MAGI2: variants seen among roughly 807,000 people sequenced by gnomAD.
MAGI2 encodes membrane associated guanylate kinase, WW and PDZ domain containing 2.
A neutral mutation model predicts 133.3 loss-of-function variants in MAGI2; 35 were observed. The observed-to-expected ratio is 0.26, with a 90% CI of 0.20 to 0.35. MAGI2 has a LOEUF of 0.35. Ranked by LOEUF, MAGI2 falls within the 10% of genes least tolerant of loss-of-function variation. MAGI2 has a pLI of 1.00. For missense variants in MAGI2, 1,636 were observed against 1,863.4 expected, an observed-to-expected ratio of 0.88 and a Z score of 2.25; for synonymous variants, 729 against 710.6, an observed-to-expected ratio of 1.03 and a Z score of -0.41.
At chr7:78,548,694 T>C (rs1799080710) in intron 3 of MAGI2, among the ~76,000 whole-genome samples, 1 of 152,162 alleles carries the variant, frequency 6.6e-6, no homozygotes. Context: ...AAACTCCGTC[T>C]CAAAACAAAA....
At chr7:79,089,235 A>G (rs1210328403) in intron 1 of MAGI2, among the ~76,000 whole-genome samples, 1 of 152,186 alleles carries the variant, frequency 6.6e-6, no homozygotes, top group African/African-American at 2.4e-5. Flanking sequence ...AGAGAAATGC[A>G]AATCAAAACC....
intron 9 of MAGI2, among the ~76,000 whole-genome samples, chr7:78,317,317 A>G (rs550101925): frequency 4.7e-4 from 71 of 152,300 alleles, no homozygotes; most frequent in African/African-American, 1.6e-3. Context: ...TATCCCACCA[A>G]TCAAGAACAG....
chr7:78,360,237 G>A (rs1051312036), intron 7 of MAGI2, among the ~76,000 whole-genome samples: 1 of 152,072 alleles, frequency 6.6e-6, no homozygotes, highest in Non-Finnish European at 1.5e-5. Flanking sequence ...TCACAGTTAT[G>A]TATCTATTAA....
At chr7:79,139,524 C>T (rs1470215688) in intron 1 of MAGI2, among the ~76,000 whole-genome samples, 1 of 152,198 alleles carries the variant, frequency 6.6e-6, no homozygotes, top group Non-Finnish European at 1.5e-5. Flanking sequence ...CGGCTTCCCT[C>T]ATTACTGCCA....
At chr7:78,508,107 G>A (rs367921764) in intron 4 of MAGI2, among the ~76,000 whole-genome samples, 25 of 152,288 alleles carry the variant, frequency 1.6e-4, no homozygotes, top group African/African-American at 6.0e-4. Flanking sequence ...GTGCACATCT[G>A]GGTTCCAATT....
At chr7:78,161,512 A>T (rs2150614209) in intron 15 of MAGI2, among the ~76,000 whole-genome samples, 1 of 152,196 alleles carries the variant, frequency 6.6e-6, no homozygotes, top group Non-Finnish European at 1.5e-5. Flanking sequence ...CATCCTATGT[A>T]GAACTCTGGA....
intron 2 of MAGI2, among the ~76,000 whole-genome samples, chr7:78,777,952 C>T (rs1826115531): frequency 6.6e-6 from 1 of 152,108 alleles, no homozygotes; most frequent in South Asian, 2.1e-4. Flanking sequence ...TGAGAATATG[C>T]TTCATATGAC....
intron 2 of MAGI2, among the ~76,000 whole-genome samples, chr7:78,758,571 G>T (rs566112026): frequency 6.6e-6 from 1 of 152,250 alleles, no homozygotes; most frequent in African/African-American, 2.4e-5. Context: ...TGTGAACTAG[G>T]TACATATCAC....
At chr7:78,195,184 T>C (rs1828610044) in intron 11 of MAGI2, 121 bp from the exon 12 acceptor site, 2 of 687,814 alleles carry the variant, frequency 2.9e-6, no homozygotes, top group South Asian at 5.1e-5. Context: ...GGGTAAAACT[T>C]TGGCATAAAT....
intron 3 of MAGI2, among the ~76,000 whole-genome samples, chr7:78,561,173 TA>T (rs1314213534): frequency 6.6e-6 from 1 of 152,092 alleles, no homozygotes; most frequent in Non-Finnish European, 1.5e-5. Flanking sequence ...ACTAGGAAGA[TA>T]CTGAGATCAA....
intron 1 of MAGI2, among the ~76,000 whole-genome samples, chr7:79,229,820 T>C (rs1176254190): frequency 6.6e-6 from 1 of 151,978 alleles, no homozygotes; most frequent in Non-Finnish European, 1.5e-5. Flanking sequence ...ATACTTTAGG[T>C]TTTAGGGTAC....
chr7:78,715,412 T>C lies in MAGI2; in HGVS notation c.419-88173A>G, dbSNP rs184929966. Among the ~76,000 whole-genome samples, 9 of 152,328 alleles carry C rather than the reference T, an allele frequency of 5.9e-5. No individual in the cohort carries two copies. In the East Asian group the frequency reaches 1.4e-3, roughly 23 times the overall value. On this transcript the variant is annotated intron_variant, in intron 2 of 21. Transcript: ENST00000354212. ...TTTTAAAGTTTCCTTGGTTTTATCA[T>C]TGTATATCTTACCTGTTAAAAATTA...
intron 1 of MAGI2, among the ~76,000 whole-genome samples, chr7:79,216,770 C>G (rs965052731): frequency 6.6e-6 from 1 of 152,086 alleles, no homozygotes; most frequent in African/African-American, 2.4e-5. Flanking sequence ...GGAGCATGCT[C>G]TTTCTCCTTT....
At chr7:79,417,733 A>G (rs765835193) in intron 1 of MAGI2, among the ~76,000 whole-genome samples, 1 of 147,826 alleles carries the variant, frequency 6.8e-6, no homozygotes, top group Non-Finnish European at 1.5e-5. Context: ...ACATAGTTGA[A>G]TATGTCCACA....
chr7:79,119,619 A>G (rs1169488065), intron 1 of MAGI2, among the ~76,000 whole-genome samples: 10 of 152,128 alleles, frequency 6.6e-5, no homozygotes, highest in African/African-American at 1.9e-4. Flanking sequence ...CCTAGATTTT[A>G]TCTCCATATA....
chr7:78,598,972 G>A (rs935234150), intron 3 of MAGI2, among the ~76,000 whole-genome samples: 1 of 152,070 alleles, frequency 6.6e-6, no homozygotes, highest in Non-Finnish European at 1.5e-5. Context: ...TTGGATTCAC[G>A]GGTTTGGAGC....
chr7:78,769,149 G>GGACA (rs1279134557), intron 2 of MAGI2, among the ~76,000 whole-genome samples: 1 of 151,980 alleles, frequency 6.6e-6, no homozygotes, highest in East Asian at 1.9e-4. Flanking sequence ...TCTAGCGCGG[G>GGACA]GACACATCTT....
intron 20 of MAGI2, among the ~76,000 whole-genome samples, chr7:78,109,176 C>T (rs1301225118): frequency 7.5e-5 from 11 of 146,682 alleles, no homozygotes; most frequent in East Asian, 6.1e-4. Context: ...TGGTGGCGGG[C>T]GCCTGTAGTC....
At chr7:78,604,469 T>C (rs183375510) in intron 3 of MAGI2, among the ~76,000 whole-genome samples, 2 of 152,238 alleles carry the variant, frequency 1.3e-5, no homozygotes, top group Non-Finnish European at 2.9e-5. Context: ...AATCCCATTA[T>C]CTCCCGTCCC....
Sources: allele counts gnomAD v4.1 joint callset (sites outside exome capture counted in the v4.1 genomes callset), GRCh38; gene constraint gnomAD v4.1.1; transcripts MANE v1.5; gene names NCBI Gene and HGNC (gene_info 2026-07-23, HGNC 2026-07-21).